The following SCFD2 variants were observed in gnomAD, a reference collection of about 807,000 sequenced individuals.
SCFD2 encodes sec1 family domain-containing protein 2.
In SCFD2, 54 loss-of-function variants were observed where a neutral mutation model predicts 58.9. The observed-to-expected ratio is 0.92, with a 90% CI of 0.74 to 1.15. The LOEUF (loss-of-function observed/expected upper bound fraction) is 1.15. Ranked by LOEUF, SCFD2 falls within the 50% of genes most tolerant of loss-of-function variation. SCFD2 has a pLI of 0.00. For missense variants in SCFD2, 805 were observed against 836.6 expected, an observed-to-expected ratio of 0.96 and a Z score of 0.47; for synonymous variants, 321 against 335.9, an observed-to-expected ratio of 0.96 and a Z score of 0.49.
At chr4:53,015,817 G>A (rs1379792265) in intron 5 of SCFD2, among the ~76,000 whole-genome samples, 1 of 152,126 alleles carries the variant, frequency 6.6e-6, no homozygotes, top group African/African-American at 2.4e-5. Context: ...GAGGCGCTCT[G>A]GATTCAAGAA....
chr4:52,944,953 C>T (rs1720386557), intron 5 of SCFD2, among the ~76,000 whole-genome samples: 1 of 152,098 alleles, frequency 6.6e-6, no homozygotes, highest in Non-Finnish European at 1.5e-5. Flanking sequence ...TAAGTAAAGA[C>T]TAAATTAATA....
chr4:53,101,312 A>T (rs945767944), intron 5 of SCFD2, among the ~76,000 whole-genome samples: 14 of 151,940 alleles, frequency 9.2e-5, no homozygotes, highest in African/African-American at 2.4e-4. Context: ...CCTCTCTTTG[A>T]CTCTTTGACT....
At chr4:53,264,511 C>T (rs1222918619) in intron 4 of SCFD2, among the ~76,000 whole-genome samples, 1 of 152,118 alleles carries the variant, frequency 6.6e-6, no homozygotes, top group Non-Finnish European at 1.5e-5. Context: ...GCAAGGCCCA[C>T]AGAGAAGCAG....
At chr4:53,179,615 A>G (rs552877364) in intron 4 of SCFD2, among the ~76,000 whole-genome samples, 1 of 152,208 alleles carries the variant, frequency 6.6e-6, no homozygotes, top group Non-Finnish European at 1.5e-5. Context: ...TAACCAGCTA[A>G]CATCATAATG....
intron 5 of SCFD2, among the ~76,000 whole-genome samples, chr4:52,974,189 G>A (rs1207546721): frequency 6.6e-6 from 1 of 152,160 alleles, no homozygotes; most frequent in Admixed American, 6.5e-5. Context: ...GAAGGAGAAG[G>A]AAATAAAGGG....
chr4:52,896,906 T>C (rs1719030706), intron 7 of SCFD2, among the ~76,000 whole-genome samples: 1 of 152,246 alleles, frequency 6.6e-6, no homozygotes, highest in South Asian at 2.1e-4. Context: ...CCTCGTATTT[T>C]ATTCTCTTTG....
intron 5 of SCFD2, among the ~76,000 whole-genome samples, chr4:53,081,825 C>T (rs1410403061): frequency 6.6e-6 from 1 of 152,066 alleles, no homozygotes; most frequent in Non-Finnish European, 1.5e-5. Context: ...TTGTCATTCC[C>T]CATGTCCCTC....
intron 5 of SCFD2, among the ~76,000 whole-genome samples, chr4:52,977,313 C>A (rs1721278030): frequency 1.3e-5 from 2 of 152,112 alleles, no homozygotes; most frequent in African/African-American, 2.4e-5. Flanking sequence ...TGTTACAGCA[C>A]CATTTCTAAA....
intron 5 of SCFD2, among the ~76,000 whole-genome samples, chr4:53,130,096 A>G (rs1289842769): frequency 1.3e-5 from 2 of 152,244 alleles, no homozygotes; most frequent in African/African-American, 4.8e-5. Context: ...CCATAAATTT[A>G]TAAAAATTTT....
At chr4:52,950,956 C>T (rs533018830) in intron 5 of SCFD2, 2 of 152,186 alleles carry the variant, frequency 1.3e-5, no homozygotes, top group African/African-American at 4.8e-5. Flanking sequence ...TACCAGACAG[C>T]AATTCCGTTC....
chr4:53,325,887 T>A (rs1733177847), intron 2 of SCFD2, among the ~76,000 whole-genome samples: 1 of 151,018 alleles, frequency 6.6e-6, no homozygotes. Context: ...CTACTAACTC[T>A]CCCCCAAAAT....
chr4:52,992,546 A>T (rs1213624577), intron 5 of SCFD2, among the ~76,000 whole-genome samples: 1 of 135,942 alleles, frequency 7.4e-6, no homozygotes, highest in Non-Finnish European at 1.6e-5. Flanking sequence ...AGTGAGGAGC[A>T]CCTCTTCCCG....
At chr4:53,109,176 C>G (rs1725094694) in intron 5 of SCFD2, among the ~76,000 whole-genome samples, 1 of 152,140 alleles carries the variant, frequency 6.6e-6, no homozygotes, top group Admixed American at 6.5e-5. Context: ...CCCCTTCATG[C>G]TAAAAACTCT....
intron 4 of SCFD2, among the ~76,000 whole-genome samples, chr4:53,162,736 T>C (rs1726890726): frequency 6.6e-6 from 1 of 151,726 alleles, no homozygotes; most frequent in African/African-American, 2.4e-5. Context: ...CATTAGGAGA[T>C]ATACCTAATG....
chr4:52,939,207 G>T (rs1432904369), intron 5 of SCFD2, among the ~76,000 whole-genome samples: 3 of 152,090 alleles, frequency 2.0e-5, no homozygotes, highest in Non-Finnish European at 4.4e-5. Context: ...AATGAATAAA[G>T]AATCTATGCA....
At chr4:53,304,771 T>C (rs1485590577) in intron 3 of SCFD2, among the ~76,000 whole-genome samples, 3 of 152,106 alleles carry the variant, frequency 2.0e-5, no homozygotes, top group Non-Finnish European at 2.9e-5. Context: ...AGTTAGAACA[T>C]GCTCCTTTAG....
Position 53,366,031 on chromosome 4 carries a change from A to T in SCFD2, c.-90T>A. ...GGAAATTGGGCTCCGGGAGACTTTGACAGTCTCCACAGTACACGTGGTCGG... is the reference window on the plus strand; with the variant it reads ...GGAAATTGGGCTCCGGGAGACTTTGTCAGTCTCCACAGTACACGTGGTCGG... On this transcript the variant is annotated 5_prime_UTR_variant, in exon 1 of 9. Coordinates refer to ENST00000401642, the MANE Select transcript of SCFD2 (RefSeq NM_152540.4). The T allele has an allele frequency of 7.0e-7, 1 of 1,420,978 alleles. No individual in the cohort carries two copies. The highest frequency in any genetic ancestry group is 2.3e-5 in the Admixed American group (1 of 43,482). 88.0% of individuals were successfully genotyped at this position (1,420,978 alleles called of 1,614,324 possible).
intron 5 of SCFD2, among the ~76,000 whole-genome samples, chr4:53,018,994 A>C (rs1274683874): frequency 1.3e-5 from 2 of 152,212 alleles, no homozygotes; most frequent in East Asian, 3.8e-4. Context: ...TAGTGTTGGA[A>C]TGATTTTGGT....
intron 4 of SCFD2, among the ~76,000 whole-genome samples, chr4:53,254,706 G>T (rs1162405066): frequency 6.6e-6 from 1 of 151,578 alleles, no homozygotes; most frequent in Non-Finnish European, 1.5e-5. Context: ...TTTTCAATGT[G>T]GCACTATCTA....
Sources: gnomAD v4.1 joint callset for allele counts (sites outside exome capture counted in the v4.1 genomes callset) on GRCh38, gnomAD v4.1.1 for gene constraint, MANE v1.5 for transcripts, NCBI Gene and HGNC (gene_info 2026-07-23, HGNC 2026-07-21) for gene names.